The following CHRM3 variants were observed in gnomAD, a reference collection of about 807,000 sequenced individuals.
CHRM3 encodes cholinergic receptor muscarinic 3.
CHRM3 carries 11 observed loss-of-function variants against 41.8 expected under a neutral mutation model. That is an observed-to-expected ratio of 0.26 (90% CI 0.17 to 0.44). The LOEUF (loss-of-function observed/expected upper bound fraction) is 0.44, where lower values mean the gene tolerates loss of function less well. Ranked by LOEUF, CHRM3 falls within the 20% of genes least tolerant of loss-of-function variation. The pLI, the probability that CHRM3 is intolerant of heterozygous loss-of-function variation, is 1.00. For missense variants in CHRM3, 571 were observed against 745.4 expected (o/e 0.77, Z 2.72); for synonymous variants, 297 against 301.4 (o/e 0.99, Z 0.15).
intron 1 of CHRM3, among the ~76,000 whole-genome samples, chr1:239,427,127 A>C (rs1434889907): frequency 6.6e-6 from 1 of 152,190 alleles, no homozygotes; most frequent in Non-Finnish European, 1.5e-5. Flanking sequence ...ATAGTGATTT[A>C]AAGTCATTTT....
At chr1:239,795,978 C>T (rs1669733609) in intron 5 of CHRM3, among the ~76,000 whole-genome samples, 1 of 152,142 alleles carries the variant, frequency 6.6e-6, no homozygotes, top group African/African-American at 2.4e-5. Context: ...TGTTCAGTGA[C>T]ATTTACATTC....
chr1:239,835,533 G>T (rs942287557), intron 6 of CHRM3, among the ~76,000 whole-genome samples: 2 of 151,954 alleles, frequency 1.3e-5, no homozygotes, highest in Admixed American at 6.6e-5. Context: ...TCTTCTATGT[G>T]CAAAGACACG....
At chr1:239,547,856 AG>A (rs1325338706) in intron 3 of CHRM3, among the ~76,000 whole-genome samples, 1 of 152,128 alleles carries the variant, frequency 6.6e-6, no homozygotes, top group Non-Finnish European at 1.5e-5. Context: ...ATGCAAACAT[AG>A]CTTGAGTATG....
At chr1:239,744,492 TG>T (rs1236120194) in intron 5 of CHRM3, among the ~76,000 whole-genome samples, 1 of 151,752 alleles carries the variant, frequency 6.6e-6, no homozygotes, top group African/African-American at 2.4e-5. Flanking sequence ...CCGGTGGCTA[TG>T]GGGGAGGGAC....
At chr1:239,796,395 A>C (rs188792263) in intron 5 of CHRM3, among the ~76,000 whole-genome samples, 1 of 152,318 alleles carries the variant, frequency 6.6e-6, no homozygotes, top group East Asian at 1.9e-4. Flanking sequence ...AAATCACACA[A>C]GAGGAACGTA....
intron 3 of CHRM3, among the ~76,000 whole-genome samples, chr1:239,618,892 T>G (rs1038787658): frequency 7.3e-6 from 1 of 137,474 alleles, no homozygotes; most frequent in Admixed American, 7.3e-5. Context: ...TCATATTTCC[T>G]CTCTCTTTTT....
At chr1:239,617,277 G>A (rs930191745) in intron 3 of CHRM3, among the ~76,000 whole-genome samples, 19 of 152,148 alleles carry the variant, frequency 1.2e-4, no homozygotes, top group African/African-American at 4.1e-4. Flanking sequence ...GAATATTGTG[G>A]AGCCCTCGGA....
chr1:239,640,255 G>T (rs571423074), intron 4 of CHRM3, among the ~76,000 whole-genome samples: 37 of 152,244 alleles, frequency 2.4e-4, no homozygotes, highest in South Asian at 2.1e-3. Context: ...GCCCGGCTTT[G>T]GTATCAGGAT....
intron 5 of CHRM3, among the ~76,000 whole-genome samples, chr1:239,752,497 T>G (rs1224188855): frequency 6.6e-6 from 1 of 152,218 alleles, no homozygotes; most frequent in African/African-American, 2.4e-5. Flanking sequence ...AATAAATAGC[T>G]TGCAATATGG....
chr1:239,762,943 A>G (rs1666919034), intron 5 of CHRM3, among the ~76,000 whole-genome samples: 2 of 152,220 alleles, frequency 1.3e-5, no homozygotes, highest in South Asian at 4.1e-4. Context: ...ATGGCAGAGT[A>G]TAATTGTCCT....
intron 3 of CHRM3, among the ~76,000 whole-genome samples, chr1:239,593,421 T>A (rs933849217): frequency 2.6e-5 from 4 of 152,120 alleles, no homozygotes; most frequent in Non-Finnish European, 4.4e-5. Context: ...ATTTGGAGCA[T>A]TGGACCAAAG....
chr1:239,602,618 C>T (rs1665739845), intron 3 of CHRM3, among the ~76,000 whole-genome samples: 1 of 152,050 alleles, frequency 6.6e-6, no homozygotes, highest in Non-Finnish European at 1.5e-5. Flanking sequence ...GTTAGAAACA[C>T]TTTACTAAGC....
At chr1:239,411,196 G>A (rs750726818) in intron 1 of CHRM3, among the ~76,000 whole-genome samples, 6 of 152,146 alleles carry the variant, frequency 3.9e-5, no homozygotes, top group Non-Finnish European at 7.4e-5. Flanking sequence ...CAGAAACAGT[G>A]GCAGGTGACT....
intron 5 of CHRM3, among the ~76,000 whole-genome samples, chr1:239,810,826 C>T (rs1465902270): frequency 6.6e-6 from 1 of 152,218 alleles, no homozygotes; most frequent in Admixed American, 6.5e-5. Flanking sequence ...CCTCATTTGA[C>T]CATTCACATC....
chr1:239,704,539 T>C (rs973362182), intron 5 of CHRM3: 1 of 152,132 alleles, frequency 6.6e-6, no homozygotes, highest in Admixed American at 6.6e-5. Context: ...ACAGCAACCT[T>C]TTTCACAAGT....
chr1:239,550,598 A>G (rs898371718), intron 3 of CHRM3, among the ~76,000 whole-genome samples: 4 of 152,260 alleles, frequency 2.6e-5, no homozygotes, highest in Admixed American at 1.3e-4. Flanking sequence ...TGTTATTAAT[A>G]TAAATCTGTA....
intron 3 of CHRM3, among the ~76,000 whole-genome samples, chr1:239,591,174 C>T (rs561382123): frequency 1.1e-4 from 17 of 152,170 alleles, no homozygotes; most frequent in Admixed American, 9.2e-4. Flanking sequence ...TTTTGACCAG[C>T]GGCTGTGCAC....
At chr1:239,437,559 C>T (rs913226016) in intron 1 of CHRM3, among the ~76,000 whole-genome samples, 5 of 151,950 alleles carry the variant, frequency 3.3e-5, no homozygotes, top group Admixed American at 6.6e-5. Flanking sequence ...TTTTTTGAGA[C>T]GGAGTCTCTC....
intron 5 of CHRM3, among the ~76,000 whole-genome samples, chr1:239,762,581 T>A (rs1666887035): frequency 6.6e-6 from 1 of 152,210 alleles, no homozygotes; most frequent in Non-Finnish European, 1.5e-5. Context: ...TGCCTATATT[T>A]GCTTTCACTC....
Sources: allele counts gnomAD v4.1 joint callset (sites outside exome capture counted in the v4.1 genomes callset), GRCh38; gene constraint gnomAD v4.1.1; transcripts MANE v1.5; gene names NCBI Gene and HGNC (gene_info 2026-07-23, HGNC 2026-07-21).